Variants in NOL10 observed in about 807,000 individuals in gnomAD.
The protein encoded by NOL10 is nucleolar protein 10.
NOL10 carries 58 observed loss-of-function variants against 103.5 expected under a neutral mutation model. The ratio of observed to expected loss-of-function variants is 0.56; its 90% CI spans 0.45 to 0.70. The LOEUF is 0.70. NOL10 is among the 30% of genes least tolerant of loss of function. The pLI is 0.00. For missense variants in NOL10, 763 were observed against 807.3 expected, an observed-to-expected ratio of 0.95 and a Z score of 0.67; for synonymous variants, 287 against 282.5, an observed-to-expected ratio of 1.02 and a Z score of -0.16.
intron 13 of NOL10, among the ~76,000 whole-genome samples, chr2:10,611,473 G>A (rs1558288472): frequency 6.6e-6 from 1 of 152,176 alleles, no homozygotes; most frequent in Non-Finnish European, 1.5e-5. Flanking sequence ...AAGTGGGGAG[G>A]AAAAAGGGTG....
intron 12 of NOL10, among the ~76,000 whole-genome samples, chr2:10,644,645 A>G (rs1678932894): frequency 5.3e-5 from 8 of 152,240 alleles, no homozygotes; most frequent in Admixed American, 5.2e-4. Flanking sequence ...CATCTACACC[A>G]GAAAGTCCTA....
chr2:10,647,099 A>C (rs370583062), intron 12 of NOL10, among the ~76,000 whole-genome samples: 7 of 152,318 alleles, frequency 4.6e-5, no homozygotes, highest in Admixed American at 3.9e-4. Flanking sequence ...TCCACAATAA[A>C]ACTATACATT....
intron 17 of NOL10, among the ~76,000 whole-genome samples, chr2:10,596,599 G>A (rs928469409): frequency 6.6e-6 from 1 of 152,136 alleles, no homozygotes; most frequent in Non-Finnish European, 1.5e-5. Context: ...AGTAATGTGA[G>A]CAATGGGGAG....
intron 6 of NOL10, 101 bp from the exon 7 acceptor site, chr2:10,668,824 T>C: frequency 2.4e-6 from 1 of 411,174 alleles, no homozygotes; most frequent in East Asian, 4.3e-5. Context: ...AGCCACCACT[T>C]CCTTTTGTAA....
rs554911545 is a variant in NOL10, at chr2:10,627,108, C to T, written c.1026+17212G>A. 1.1e-3 allele frequency among the ~76,000 whole-genome samples: 166 copies of T among 152,280 alleles called. 1 individual carries two copies. Among genetic ancestry groups the T allele is most frequent in the African/African-American group, 3.9e-3 (162 of 41,540 alleles). ...AGATTAAAATAGGAAGTCCACATTT[C>T]CCCTTTGTAAAGTCACAAACAACTT... is the stretch of plus-strand genomic sequence containing the variant. On this transcript the variant is annotated intron_variant, in intron 13 of 20. Coordinates refer to ENST00000381685, the MANE Select transcript of NOL10 (RefSeq NM_024894.4).
chr2:10,600,596 T>G (rs1238305346), intron 17 of NOL10, among the ~76,000 whole-genome samples: 1 of 95,960 alleles, frequency 1.0e-5, no homozygotes, highest in Non-Finnish European at 2.0e-5. Context: ...AGTTTCTAAT[T>G]TTGAAACAAA....
At chr2:10,637,224 CA>C (rs1678320876) in intron 13 of NOL10, among the ~76,000 whole-genome samples, 2 of 137,868 alleles carry the variant, frequency 1.5e-5, no homozygotes, top group Non-Finnish European at 3.2e-5. Context: ...CACACACACA[CA>C]CTAAAACCAA....
chr2:10,631,928 G>A (rs1211312900), intron 13 of NOL10, among the ~76,000 whole-genome samples: 1 of 152,150 alleles, frequency 6.6e-6, no homozygotes, highest in African/African-American at 2.4e-5. Flanking sequence ...TGGTCAGGCT[G>A]GTCTCAAACT....
intron 17 of NOL10, among the ~76,000 whole-genome samples, chr2:10,594,141 T>C (rs1290975526): frequency 7.6e-6 from 1 of 131,596 alleles, no homozygotes; most frequent in African/African-American, 2.7e-5. Context: ...GAGATGGGCT[T>C]GCAGCACAGT....
chr2:10,641,508 G>C (rs1472046457), intron 13 of NOL10, among the ~76,000 whole-genome samples: 5 of 152,102 alleles, frequency 3.3e-5, no homozygotes, highest in Non-Finnish European at 1.5e-5. Context: ...GAATAAATAG[G>C]AATACGCATA....
chr2:10,643,914 A>G (rs990769526), intron 13 of NOL10, among the ~76,000 whole-genome samples: 6 of 152,206 alleles, frequency 3.9e-5, no homozygotes, highest in East Asian at 3.8e-4. Context: ...TCTAATGTAC[A>G]CAGCCACATG....
intron 13 of NOL10, among the ~76,000 whole-genome samples, chr2:10,642,896 TG>T (rs994507660): frequency 6.6e-6 from 1 of 152,150 alleles, no homozygotes; most frequent in African/African-American, 2.4e-5. Flanking sequence ...TCACACTGAA[TG>T]GCAACTGCCT....
intron 13 of NOL10, among the ~76,000 whole-genome samples, chr2:10,627,963 T>C (rs1320610635): frequency 6.6e-6 from 1 of 152,120 alleles, no homozygotes; most frequent in Non-Finnish European, 1.5e-5. Context: ...TTGAACTCAA[T>C]TTAAAGTAAA....
At chr2:10,671,405 T>C in intron 6 of NOL10, 149 bp downstream of exon 6, 1 of 715,174 alleles carries the variant, frequency 1.4e-6, no homozygotes, top group Non-Finnish European at 2.1e-6. Flanking sequence ...CTGTGTTTTC[T>C]TTTCTTTTTT....
At chr2:10,609,883 G>C (rs1353789812) in intron 13 of NOL10, among the ~76,000 whole-genome samples, 2 of 152,138 alleles carry the variant, frequency 1.3e-5, no homozygotes, top group Admixed American at 1.3e-4. Flanking sequence ...TTTGTTAACT[G>C]CTGAATTTTT....
intron 14 of NOL10, 24 bp downstream of exon 14, chr2:10,607,161 A>T (rs1205500277): frequency 6.8e-7 from 1 of 1,476,688 alleles, no homozygotes; most frequent in South Asian, 1.3e-5. Context: ...ATTACATAAT[A>T]TTTCATCACA....
chr2:10,585,178 A>T (rs968469097), intron 19 of NOL10, among the ~76,000 whole-genome samples: 2 of 152,258 alleles, frequency 1.3e-5, no homozygotes, highest in Admixed American at 1.3e-4. Flanking sequence ...CTAAGTACTT[A>T]TTCAAGAGCC....
intron 13 of NOL10, chr2:10,634,491 T>C (rs1678057793): frequency 8.8e-6 from 4 of 456,592 alleles, no homozygotes; most frequent in Non-Finnish European, 1.8e-5. Flanking sequence ...CAGGATGTGC[T>C]ATTAGACATC....
At chr2:10,638,299 TAACG>T (rs1678415510) in intron 13 of NOL10, among the ~76,000 whole-genome samples, 6 of 97,232 alleles carry the variant, frequency 6.2e-5, no homozygotes, top group Admixed American at 5.4e-4. Context: ...AAAAATAACG[TAACG>T]TGACGTGACG....
Sources: allele counts gnomAD v4.1 joint callset (sites outside exome capture counted in the v4.1 genomes callset), GRCh38; gene constraint gnomAD v4.1.1; transcripts MANE v1.5; gene names NCBI Gene and HGNC (gene_info 2026-07-23, HGNC 2026-07-21).